The following GRIK4 variants were observed in gnomAD, a reference collection of about 807,000 sequenced individuals.
GRIK4 encodes glutamate ionotropic receptor kainate type subunit 4, also known as glutamate receptor ionotropic, kainate 4.
Under a neutral mutation model 104.9 loss-of-function variants are expected in GRIK4, and 40 were observed. The observed-to-expected ratio is 0.38, with a 90% CI of 0.30 to 0.50. GRIK4 has a LOEUF of 0.50. Ranked by LOEUF, GRIK4 falls within the 20% of genes least tolerant of loss-of-function variation. The pLI, the probability that GRIK4 is intolerant of heterozygous loss-of-function variation, is 0.93. For missense variants in GRIK4, 1,047 were observed against 1,308.1 expected (o/e 0.80, Z 3.08); for synonymous variants, 485 against 524.9 (o/e 0.92, Z 1.04).
intron 19 of GRIK4, among the ~76,000 whole-genome samples, chr11:120,968,054 G>A (rs1476856862): frequency 6.6e-6 from 1 of 152,306 alleles, no homozygotes; most frequent in East Asian, 1.9e-4. Context: ...TAAGTTTCAT[G>A]AGGGTAGGGT....
chr11:120,766,606 T>G (rs7925365), intron 3 of GRIK4, among the ~76,000 whole-genome samples: 34,176 of 152,064 alleles, frequency 0.22, 5,468 homozygotes, highest in African/African-American at 0.45. Flanking sequence ...GAATATCCTG[T>G]TCTGTGGGTT....
At chr11:120,910,647 A>T (rs1260272053) in intron 13 of GRIK4, among the ~76,000 whole-genome samples, 1 of 152,242 alleles carries the variant, frequency 6.6e-6, no homozygotes, top group East Asian at 1.9e-4. Flanking sequence ...CCTCTGTCTC[A>T]TGCCAGTACA....
At chr11:120,851,476 C>T (rs1199855739) in intron 8 of GRIK4, among the ~76,000 whole-genome samples, 1 of 152,192 alleles carries the variant, frequency 6.6e-6, no homozygotes, top group African/African-American at 2.4e-5. Context: ...CGTGCCATGC[C>T]GTGTAATTAA....
At chr11:120,844,269 C>T (rs1444357426) in intron 8 of GRIK4, among the ~76,000 whole-genome samples, 3 of 152,194 alleles carry the variant, frequency 2.0e-5, no homozygotes, top group African/African-American at 7.2e-5. Flanking sequence ...TTAAATGTCA[C>T]TTCCCCAAGG....
chr11:120,872,039 C>A, intron 9 of GRIK4: 1 of 394,868 alleles, frequency 2.5e-6, no homozygotes, highest in Non-Finnish European at 5.1e-6. Context: ...GTCCTTACCA[C>A]TCCCTGGAGC....
chr11:120,876,247 AC>A (rs1954797221), intron 11 of GRIK4, among the ~76,000 whole-genome samples: 1 of 138,970 alleles, frequency 7.2e-6, no homozygotes, highest in South Asian at 2.5e-4. Context: ...TACCACCACC[AC>A]CACCATTACC....
At chr11:120,716,163 A>C (rs556246071) in intron 3 of GRIK4, among the ~76,000 whole-genome samples, 87 of 150,838 alleles carry the variant, frequency 5.8e-4, no homozygotes, top group African/African-American at 2.0e-3. Flanking sequence ...AGCTGAGAAG[A>C]AGGAACCAGA....
intron 3 of GRIK4, among the ~76,000 whole-genome samples, chr11:120,781,135 CTT>C (rs59172541): frequency 5.9e-5 from 8 of 135,916 alleles, no homozygotes; most frequent in African/African-American, 5.3e-5. Flanking sequence ...TCCTTTCTTT[CTT>C]TTTTTTTTTT....
chr11:120,859,132 G>A (rs1031393636), intron 8 of GRIK4: 6 of 151,994 alleles, frequency 3.9e-5, no homozygotes, highest in Non-Finnish European at 8.8e-5. Flanking sequence ...TTCTTACTCC[G>A]CCCAGAACAT....
chr11:120,975,925 A>G (rs867465134), intron 19 of GRIK4, among the ~76,000 whole-genome samples: 2 of 152,218 alleles, frequency 1.3e-5, no homozygotes, highest in Admixed American at 6.5e-5. Flanking sequence ...TGGAGGTAAG[A>G]GTAGTGCCCA....
At chr11:120,606,689 G>A (rs11600274) in intron 1 of GRIK4, among the ~76,000 whole-genome samples, 58,351 of 152,064 alleles carry the variant, frequency 0.38, 11,375 homozygotes, top group Admixed American at 0.49. Flanking sequence ...TGTGTCGTTA[G>A]GAGCTGTGAG....
chr11:120,517,440 C>T (rs957836908), intron 1 of GRIK4, among the ~76,000 whole-genome samples: 1 of 148,594 alleles, frequency 6.7e-6, no homozygotes. Context: ...AGGCTGGCAT[C>T]GTTTGCCCCA....
intron 6 of GRIK4, among the ~76,000 whole-genome samples, chr11:120,824,054 C>G (rs566416427): frequency 1.3e-5 from 2 of 152,318 alleles, no homozygotes; most frequent in East Asian, 3.9e-4. Flanking sequence ...CTGAGAGATA[C>G]TGTGAGTAGA....
Position 120,605,742 on chromosome 11 carries a change from G to A in GRIK4, c.-158-47943G>A, listed in dbSNP as rs183553834. ...ACCCCCTGCCCTTCAGCCACGCTGGGCACAGAGCGTGGAGAGGTGGCACAA... is the reference window on the plus strand; with the variant it reads ...ACCCCCTGCCCTTCAGCCACGCTGGACACAGAGCGTGGAGAGGTGGCACAA... On this transcript the variant is annotated intron_variant, in intron 1 of 20. Coordinates refer to ENST00000527524, the MANE Select transcript of GRIK4 (RefSeq NM_014619.5). Among the ~76,000 whole-genome samples the A allele has an allele frequency of 2.0e-5, 3 of 152,374 alleles. No homozygotes were observed. In the East Asian group the frequency reaches 5.8e-4, roughly 29 times the overall value.
chr11:120,941,461 T>C (rs2134646838), intron 14 of GRIK4, among the ~76,000 whole-genome samples: 1 of 152,160 alleles, frequency 6.6e-6, no homozygotes, highest in South Asian at 2.1e-4. Flanking sequence ...AACCCTGTGA[T>C]GGGGGTTGTT....
intron 3 of GRIK4, among the ~76,000 whole-genome samples, chr11:120,765,044 T>C (rs1273200327): frequency 6.6e-6 from 1 of 152,138 alleles, no homozygotes. Context: ...AATATCCTGA[T>C]GTGTGTTTTC....
intron 1 of GRIK4, among the ~76,000 whole-genome samples, chr11:120,559,970 G>T (rs1039474078): frequency 1.3e-5 from 2 of 152,112 alleles, no homozygotes; most frequent in Non-Finnish European, 2.9e-5. Context: ...TGTATCTCAG[G>T]AGAAAGTTGA....
chr11:120,931,428 T>C (rs1215199675), intron 13 of GRIK4, among the ~76,000 whole-genome samples: 2 of 152,152 alleles, frequency 1.3e-5, no homozygotes, highest in African/African-American at 4.8e-5. Context: ...AGTGTGGTGA[T>C]ATACATGGCA....
intron 3 of GRIK4, among the ~76,000 whole-genome samples, chr11:120,763,285 G>T (rs1023649061): frequency 1.3e-5 from 2 of 152,040 alleles, no homozygotes; most frequent in Non-Finnish European, 2.9e-5. Flanking sequence ...GGGATCAGTG[G>T]TGATCCCCCC....
Sources: gnomAD v4.1 joint callset for allele counts (sites outside exome capture counted in the v4.1 genomes callset) on GRCh38, gnomAD v4.1.1 for gene constraint, MANE v1.5 for transcripts, NCBI Gene and HGNC (gene_info 2026-07-23, HGNC 2026-07-21) for gene names.